Variants in CCDC138 observed in about 807,000 individuals in gnomAD.
CCDC138 encodes the protein coiled-coil domain-containing protein 138.
In CCDC138, 66 loss-of-function variants were observed where a neutral mutation model predicts 82.3. The observed-to-expected ratio is 0.80, with a 90% CI of 0.66 to 0.98. The LOEUF is 0.98. CCDC138 is among the 50% of genes least tolerant of loss of function. The pLI is 0.00. For missense variants in CCDC138, 816 were observed against 758.9 expected (o/e 1.08, Z -0.88); for synonymous variants, 297 against 265.4 (o/e 1.12, Z -1.16).
intron 10 of CCDC138, among the ~76,000 whole-genome samples, chr2:108,821,505 T>TA (rs1685699171): frequency 6.6e-6 from 1 of 152,080 alleles, no homozygotes; most frequent in South Asian, 2.1e-4. Flanking sequence ...AGAAAATACT[T>TA]ACAGAATATA....
At chr2:108,790,819 G>T (rs555964524) in intron 3 of CCDC138, among the ~76,000 whole-genome samples, 6 of 152,268 alleles carry the variant, frequency 3.9e-5, no homozygotes, top group African/African-American at 1.2e-4. Context: ...TAGCATAATT[G>T]TAACTCACTG....
chr2:108,862,540 G>A (rs150536072), intron 13 of CCDC138, among the ~76,000 whole-genome samples: 1 of 152,250 alleles, frequency 6.6e-6, no homozygotes, highest in East Asian at 1.9e-4. Context: ...TGCTAACAGA[G>A]TACATTTTAA....
intron 2 of CCDC138, among the ~76,000 whole-genome samples, chr2:108,788,386 C>T (rs1483145779): frequency 6.6e-6 from 1 of 150,870 alleles, no homozygotes; most frequent in African/African-American, 2.4e-5. Context: ...CGCCACTACA[C>T]TCCAGCCTGG....
intron 10 of CCDC138, among the ~76,000 whole-genome samples, chr2:108,829,700 C>T (rs1275348871): frequency 4.6e-5 from 7 of 152,118 alleles, no homozygotes; most frequent in Non-Finnish European, 7.4e-5. Context: ...GAGCCAAGAT[C>T]GTGCCACCAC....
intron 13 of CCDC138, among the ~76,000 whole-genome samples, chr2:108,858,459 C>G (rs955367764): frequency 6.6e-6 from 1 of 152,040 alleles, no homozygotes; most frequent in Non-Finnish European, 1.5e-5. Context: ...TTTAGTGATG[C>G]GAAAATTTTG....
intron 13 of CCDC138, among the ~76,000 whole-genome samples, chr2:108,867,524 G>T (rs570283634): frequency 1.3e-5 from 2 of 152,132 alleles, no homozygotes; most frequent in East Asian, 3.9e-4. Context: ...CCTTGGACTA[G>T]CACTCCCCTC....
intron 12 of CCDC138, among the ~76,000 whole-genome samples, chr2:108,850,081 G>T (rs1462855339): frequency 2.0e-5 from 3 of 152,132 alleles, no homozygotes; most frequent in Admixed American, 6.5e-5. Flanking sequence ...ATGGTCCTCG[G>T]AACTACTGTC....
At chr2:108,819,110 C>A (rs1685243954) in intron 10 of CCDC138, among the ~76,000 whole-genome samples, 1 of 152,158 alleles carries the variant, frequency 6.6e-6, no homozygotes, top group African/African-American at 2.4e-5. Flanking sequence ...GTTTCAGGCC[C>A]TTATTCCTCC....
In CCDC138 at chr2:108,788,647, G is replaced by A. The variant is rs369366201; in HGVS notation, c.152-205G>A. Among the ~76,000 whole-genome samples the A allele has an allele frequency of 1.4e-4, 21 of 152,140 alleles. No individual in the cohort carries two copies. The East Asian group carries it at 1.9e-3, about 14-fold the overall frequency. On this transcript the variant is annotated intron_variant, in intron 2 of 14. Coordinates refer to ENST00000295124, the MANE Select transcript of CCDC138 (RefSeq NM_144978.3). ...AGGCAGGAGAATGGGGTGAACCCGG[G>A]AGACGGAGCTTGCAGTGAGCCGAGA...
intron 13 of CCDC138, among the ~76,000 whole-genome samples, chr2:108,861,095 T>C: frequency 6.6e-6 from 1 of 151,748 alleles, no homozygotes; most frequent in East Asian, 1.9e-4. Context: ...CTAGATTTTC[T>C]AGTTTGTGTG....
chr2:108,791,496 C>T (rs1679899168), intron 3 of CCDC138, 179 bp from the exon 4 acceptor site: 1 of 666,054 alleles, frequency 1.5e-6, no homozygotes, highest in Admixed American at 2.3e-5. Context: ...AGTGGGTTAT[C>T]AATGATCAGT....
chr2:108,850,181 A>C (rs1055202194), intron 12 of CCDC138, among the ~76,000 whole-genome samples: 3 of 151,966 alleles, frequency 2.0e-5, no homozygotes, highest in Admixed American at 2.0e-4. Flanking sequence ...CATAAGAAAA[A>C]CTCTTAAATC....
intron 10 of CCDC138, among the ~76,000 whole-genome samples, chr2:108,836,239 T>C (rs1688560423): frequency 6.6e-6 from 1 of 152,246 alleles, no homozygotes; most frequent in African/African-American, 2.4e-5. Flanking sequence ...ATTTCTCATA[T>C]GGATGGAATC....
At chr2:108,872,398 A>G (rs1174679352) in intron 13 of CCDC138, among the ~76,000 whole-genome samples, 1 of 152,208 alleles carries the variant, frequency 6.6e-6, no homozygotes, top group Non-Finnish European at 1.5e-5. Flanking sequence ...TTGGACTATT[A>G]CTGTGAAAGT....
downstream of CCDC138, among the ~76,000 whole-genome samples, chr2:108,880,088 TAAA>T (rs952872806): frequency 1.3e-4 from 19 of 151,514 alleles, no homozygotes; most frequent in African/African-American, 4.6e-4. Context: ...GAAAACATTT[TAAA>T]AAACAGAAAT....
intron 9 of CCDC138, 104 bp downstream of exon 9, chr2:108,813,031 C>T (rs566295761): frequency 4.8e-6 from 4 of 840,524 alleles, no homozygotes; most frequent in Non-Finnish European, 7.5e-6. Context: ...GGGCGGATCA[C>T]GATGTCAGGA....
chr2:108,842,942 T>G (rs1357324377), intron 11 of CCDC138, among the ~76,000 whole-genome samples: 1 of 152,174 alleles, frequency 6.6e-6, no homozygotes, highest in Non-Finnish European at 1.5e-5. Flanking sequence ...TAACCTTTTC[T>G]GTATACGCTT....
At chr2:108,789,038 G>A in intron 3 of CCDC138, 72 bp downstream of exon 3, 1 of 1,544,516 alleles carries the variant, frequency 6.5e-7, no homozygotes, top group Non-Finnish European at 8.9e-7. Flanking sequence ...GAAAAGGGCA[G>A]GTTATATTTT....
At chr2:108,855,287 T>G (rs1323933591) in intron 12 of CCDC138, among the ~76,000 whole-genome samples, 2 of 152,200 alleles carry the variant, frequency 1.3e-5, no homozygotes, top group Non-Finnish European at 2.9e-5. Flanking sequence ...TTTTAAAGTT[T>G]GCAAACTTAA....
Sources: allele counts gnomAD v4.1 joint callset (sites outside exome capture counted in the v4.1 genomes callset), GRCh38; gene constraint gnomAD v4.1.1; transcripts MANE v1.5; gene names NCBI Gene and HGNC (gene_info 2026-07-23, HGNC 2026-07-21).